The following ARHGAP17 variants were observed in gnomAD, a reference collection of about 807,000 sequenced individuals.
The protein encoded by ARHGAP17 is Rho GTPase activating protein 17, also known as rho GTPase-activating protein 17.
In ARHGAP17, 57 loss-of-function variants were observed where a neutral mutation model predicts 99.5. That is an observed-to-expected ratio of 0.57 (90% confidence interval 0.46 to 0.71). The LOEUF (loss-of-function observed/expected upper bound fraction) is 0.71. ARHGAP17 is among the 30% of genes least tolerant of loss of function. The probability of loss-of-function intolerance (pLI) is 0.00; values close to 1 mark genes in which losing one functional copy is unlikely to be tolerated. For synonymous variants in ARHGAP17, 417 were observed against 429.6 expected (o/e 0.97, Z 0.36); for missense variants, 1,000 against 1,122.4 (o/e 0.89, Z 1.56).
rs553426150 is a variant in ARHGAP17 at position 24,969,587 on chromosome 16, C to T, written c.273-815G>A. On this transcript the variant is annotated intron_variant, in intron 4 of 19. Coordinates refer to ENST00000289968, the MANE Select transcript of ARHGAP17 (RefSeq NM_001006634.3). ...TGGTTCTAAGTGCTGATATGACCTA[C>T]CTCCTAGGTTGTTTTAAGGATTAAA... is the stretch of plus-strand genomic sequence containing the variant. Among the ~76,000 whole-genome samples the T allele has an allele frequency of 4.6e-5, 7 of 152,274 alleles. No homozygotes were observed. The South Asian group carries it at 6.2e-4, about 14-fold the overall frequency.
chr16:24,943,046 G>A (rs933731361), intron 15 of ARHGAP17, among the ~76,000 whole-genome samples: 6 of 152,180 alleles, frequency 3.9e-5, no homozygotes, highest in African/African-American at 1.4e-4. Flanking sequence ...CACGGGACAT[G>A]GCAGCAGGGT....
chr16:24,977,076 G>T, intron 3 of ARHGAP17, 139 bp downstream of exon 3: 1 of 493,820 alleles, frequency 2.0e-6, no homozygotes, highest in Non-Finnish European at 3.4e-6. Context: ...TGGTCACGCA[G>T]GTGTCATGAG....
At chr16:24,993,766 T>C (rs901473054) in intron 1 of ARHGAP17, among the ~76,000 whole-genome samples, 7 of 152,196 alleles carry the variant, frequency 4.6e-5, no homozygotes, top group African/African-American at 1.7e-4. Context: ...AAATTTCTCT[T>C]AAATTTGCAA....
intron 12 of ARHGAP17, among the ~76,000 whole-genome samples, chr16:24,951,177 AG>A (rs547467306): frequency 2.0e-3 from 306 of 152,282 alleles, no homozygotes; most frequent in African/African-American, 7.0e-3. Flanking sequence ...ATCTGTTCCT[AG>A]ACAGACTGAA....
chr16:24,990,075 G>C (rs2052991499), intron 1 of ARHGAP17, among the ~76,000 whole-genome samples: 1 of 152,172 alleles, frequency 6.6e-6, no homozygotes, highest in African/African-American at 2.4e-5. Context: ...ATGCTGATTT[G>C]ATCATTACAC....
Position 24,942,211 on chromosome 16 carries a change from C to A in ARHGAP17, c.1334-68G>T, listed in dbSNP as rs751846633. ...AGCAGGCGAGGGAGCTCTAAGACACCCCTCATTGGAACGGGAACCTCGTTC... is the reference window on the plus strand; with the variant it reads ...AGCAGGCGAGGGAGCTCTAAGACACACCTCATTGGAACGGGAACCTCGTTC... On this transcript the variant is annotated intron_variant, in intron 15 of 19. Transcript: ENST00000289968. 8 of 1,482,970 alleles carry A rather than the reference C, an allele frequency of 5.4e-6. No homozygotes were observed. The Admixed American group carries it at 1.5e-4, about 28-fold the overall frequency. 91.9% of individuals were successfully genotyped at this position (1,482,970 alleles called of 1,614,324 possible).
chr16:24,930,830 GT>G lies in ARHGAP17; in HGVS notation c.2468del (p.Asp823AlafsTer14). The G allele has an allele frequency of 6.2e-7, 1 of 1,614,112 alleles. No individual in the cohort carries two copies. ...TTGGTGCTGTGTTGGTGAGGCTGCT[GT>G]CCCCAGCTGAGTGGACACCAGGAGG... is the stretch of plus-strand genomic sequence containing the variant. ...PQPPGVHSAG[D>X]SSLTNTAPTA... is the part of the protein sequence containing the mutation. On this transcript the variant is annotated frameshift_variant, in exon 19 of 20. Coordinates refer to ENST00000289968, the MANE Select transcript of ARHGAP17 (RefSeq NM_001006634.3). LOFTEE classifies it high-confidence loss of function.
chr16:24,943,530 C>G (rs1216632659), intron 15 of ARHGAP17, among the ~76,000 whole-genome samples: 1 of 152,122 alleles, frequency 6.6e-6, no homozygotes, highest in African/African-American at 2.4e-5. Context: ...CATATGGCAC[C>G]CAGTGGGTAT....
chr16:25,005,060 G>A (rs1311707640), intron 1 of ARHGAP17, among the ~76,000 whole-genome samples: 1 of 152,130 alleles, frequency 6.6e-6, no homozygotes, highest in African/African-American at 2.4e-5. Flanking sequence ...GATTACAGGC[G>A]CCTGCCTGCC....
Position 24,961,967 on chromosome 16 carries a change from A to T in ARHGAP17, c.574-1988T>A, listed in dbSNP as rs992088407. Among the ~76,000 whole-genome samples the T allele has an allele frequency of 7.0e-5, 7 of 100,080 alleles. 1 individual carries two copies. The highest frequency in any genetic ancestry group is 3.8e-4 in the African/African-American group (7 of 18,480). The allele number at this position is 100,080 out of a possible 152,430, so 65.7% of individuals were successfully genotyped here. ...TGCCGGAAAATATATATGTAGAGAG[A>T]GTTTGTTTTTTTTTTAATGTAATGA... is the stretch of plus-strand genomic sequence containing the variant. On this transcript the variant is annotated intron_variant, in intron 7 of 19. Transcript: ENST00000289968.
chr16:24,923,250 A>G (rs1226598392), intron 19 of ARHGAP17, among the ~76,000 whole-genome samples: 1 of 152,158 alleles, frequency 6.6e-6, no homozygotes, highest in African/African-American at 2.4e-5. Context: ...AGGGCCTTCA[A>G]AGACATTATC....
chr16:24,960,437 C>T lies in ARHGAP17; in HGVS notation c.574-458G>A, dbSNP rs113509256. ...GCGGGCAGCTGTAATCCTAGCTACT[C>T]GGGAGGCTGAGGCAGGAGAATTGCT... On this transcript the variant is annotated intron_variant, in intron 7 of 19. Coordinates refer to ENST00000289968, the MANE Select transcript of ARHGAP17 (RefSeq NM_001006634.3). Among the ~76,000 whole-genome samples, 559 of 151,726 alleles carry T rather than the reference C, an allele frequency of 3.7e-3. 8 individuals are homozygous for T. Among genetic ancestry groups the T allele is most frequent in the African/African-American group, 0.013 (536 of 41,364 alleles).
chr16:24,987,573 TGGGGCCTTGAGAGCA>T (rs1177181685), intron 1 of ARHGAP17, among the ~76,000 whole-genome samples: 5 of 152,186 alleles, frequency 3.3e-5, no homozygotes, highest in Non-Finnish European at 7.3e-5. Flanking sequence ...TCAGCCATTC[TGGGGCCTTGAGAGCA>T]GGGGCTCATC....
intron 19 of ARHGAP17, among the ~76,000 whole-genome samples, chr16:24,930,506 G>A (rs2050952475): frequency 1.3e-5 from 2 of 152,228 alleles, no homozygotes; most frequent in South Asian, 4.1e-4. Context: ...GGACCAGGCA[G>A]TAAATGTTTC....
At chr16:24,997,634 G>A (rs1176847818) in intron 1 of ARHGAP17, among the ~76,000 whole-genome samples, 6 of 152,194 alleles carry the variant, frequency 3.9e-5, no homozygotes, top group Admixed American at 3.9e-4. Flanking sequence ...TGGGTAGGTA[G>A]AGCAGGGCAC....
At chr16:24,952,758 A>C (rs1329755906) in intron 11 of ARHGAP17, among the ~76,000 whole-genome samples, 173 bp downstream of exon 11, 2 of 152,240 alleles carry the variant, frequency 1.3e-5, no homozygotes, top group African/African-American at 2.4e-5. Context: ...GGAGTAAAGA[A>C]GACACAGTGT....
chr16:25,002,943 G>A (rs2053403259), intron 1 of ARHGAP17, among the ~76,000 whole-genome samples: 1 of 149,666 alleles, frequency 6.7e-6, no homozygotes, highest in Non-Finnish European at 1.5e-5. Context: ...GGAGGCTGAA[G>A]CAGGAGAATC....
chr16:24,977,920 G>A (rs775965858), intron 2 of ARHGAP17, among the ~76,000 whole-genome samples: 4 of 152,256 alleles, frequency 2.6e-5, no homozygotes, highest in Non-Finnish European at 5.9e-5. Flanking sequence ...GGCCCTTTGG[G>A]ATGCTTTCTA....
At chr16:25,003,328 A>G (rs1370731441) in intron 1 of ARHGAP17, among the ~76,000 whole-genome samples, 1 of 135,372 alleles carries the variant, frequency 7.4e-6, no homozygotes, top group Non-Finnish European at 1.5e-5. Context: ...TCTGCTTCCC[A>G]GGTTCAAGCG....
Sources: gnomAD v4.1 joint callset for allele counts (sites outside exome capture counted in the v4.1 genomes callset) on GRCh38, gnomAD v4.1.1 for gene constraint, MANE v1.5 for transcripts, NCBI Gene and HGNC (gene_info 2026-07-23, HGNC 2026-07-21) for gene names.